CACNA2D2: variants seen among roughly 807,000 people sequenced by gnomAD.
CACNA2D2 encodes the protein calcium voltage-gated channel auxiliary subunit alpha2delta 2.
A neutral mutation model predicts 166.4 loss-of-function variants in CACNA2D2; 48 were observed. The ratio of observed to expected loss-of-function variants is 0.29; its 90% CI spans 0.23 to 0.37. The LOEUF (loss-of-function observed/expected upper bound fraction) is 0.37, where lower values mean the gene tolerates loss of function less well. CACNA2D2 is among the 10% of genes least tolerant of loss of function. The pLI, the probability that CACNA2D2 is intolerant of heterozygous loss-of-function variation, is 1.00. For synonymous variants in CACNA2D2, 561 were observed against 573.7 expected, an observed-to-expected ratio of 0.98 and a Z score of 0.32; for missense variants, 1,122 against 1,433.0, an observed-to-expected ratio of 0.78 and a Z score of 3.50.
intron 2 of CACNA2D2, among the ~76,000 whole-genome samples, chr3:50,468,649 G>A (rs1709937285): frequency 6.6e-6 from 1 of 151,966 alleles, no homozygotes; most frequent in African/African-American, 2.4e-5. Flanking sequence ...AACCCAGGCA[G>A]AGAACCTTCC....
At chr3:50,441,675 G>A (rs917491456) in intron 2 of CACNA2D2, among the ~76,000 whole-genome samples, 5 of 152,238 alleles carry the variant, frequency 3.3e-5, no homozygotes, top group Admixed American at 1.3e-4. Flanking sequence ...TGAAACATAC[G>A]CGAATTTCCA....
chr3:50,364,517 A>C lies in CACNA2D2; in HGVS notation c.*149T>G. ...TCCCGCTTTGGGACTCCCCATCCCA[A>C]GGCGCAGACCAGACTCTCAGGGCCT... On this transcript the variant is annotated 3_prime_UTR_variant, in exon 38 of 38. Coordinates refer to ENST00000424201, the MANE Select transcript of CACNA2D2 (RefSeq NM_006030.4). 2 of 973,902 alleles carry C rather than the reference A, an allele frequency of 2.1e-6. No homozygotes were observed. The highest frequency in any genetic ancestry group is 3.0e-5 in the Admixed American group (1 of 33,340). The allele number at this position is 973,902 out of a possible 1,614,324, so 60.3% of individuals were successfully genotyped here.
chr3:50,431,767 C>T (rs1013937146), intron 3 of CACNA2D2, among the ~76,000 whole-genome samples: 6 of 151,882 alleles, frequency 4.0e-5, no homozygotes, highest in African/African-American at 1.5e-4. Flanking sequence ...GGTGGATTAC[C>T]TGAGGTCAGG....
chr3:50,492,261 C>T (rs553397912), intron 1 of CACNA2D2, among the ~76,000 whole-genome samples: 14 of 152,264 alleles, frequency 9.2e-5, no homozygotes, highest in Non-Finnish European at 1.9e-4. Context: ...CCCCTCTGGC[C>T]ATCCTCTTAG....
At chr3:50,441,034 C>G (rs1407034612) in intron 2 of CACNA2D2, among the ~76,000 whole-genome samples, 1 of 150,224 alleles carries the variant, frequency 6.7e-6, no homozygotes, top group Non-Finnish European at 1.5e-5. Context: ...AGGGACTGCT[C>G]AGTGGCTGCA....
intron 3 of CACNA2D2, among the ~76,000 whole-genome samples, chr3:50,433,346 C>T (rs148481425): frequency 6.6e-6 from 1 of 151,742 alleles, no homozygotes; most frequent in Non-Finnish European, 1.5e-5. Context: ...GACTTTATTC[C>T]GTTTTTTTTG....
At chr3:50,390,564 C>A (rs1025246212) in intron 4 of CACNA2D2, among the ~76,000 whole-genome samples, 1 of 152,166 alleles carries the variant, frequency 6.6e-6, no homozygotes, top group African/African-American at 2.4e-5. Context: ...GACCACTCCC[C>A]TGACATACCC....
chr3:50,384,889 G>A (rs982416506), intron 5 of CACNA2D2, among the ~76,000 whole-genome samples: 24 of 152,350 alleles, frequency 1.6e-4, no homozygotes, highest in African/African-American at 5.0e-4. Flanking sequence ...TCTAGGGTCT[G>A]AGCTGGGGAG....
At chr3:50,391,654 C>T (rs1705898342) in intron 4 of CACNA2D2, among the ~76,000 whole-genome samples, 1 of 152,224 alleles carries the variant, frequency 6.6e-6, no homozygotes, top group South Asian at 2.1e-4. Flanking sequence ...CTCCAGGATC[C>T]CCAACCCCCC....
intron 3 of CACNA2D2, among the ~76,000 whole-genome samples, chr3:50,426,790 C>A (rs1707826416): frequency 6.6e-6 from 1 of 152,034 alleles, no homozygotes; most frequent in Non-Finnish European, 1.5e-5. Flanking sequence ...ATCCACAAGT[C>A]AACCTTTCCC....
chr3:50,469,044 G>C (rs772469198), intron 2 of CACNA2D2, among the ~76,000 whole-genome samples: 1 of 151,928 alleles, frequency 6.6e-6, no homozygotes, highest in Non-Finnish European at 1.5e-5. Flanking sequence ...GGCCAGGCTG[G>C]TCTGGAACTC....
intron 1 of CACNA2D2, among the ~76,000 whole-genome samples, chr3:50,485,238 G>C (rs1698228122): frequency 6.6e-6 from 1 of 152,048 alleles, no homozygotes; most frequent in Admixed American, 6.5e-5. Context: ...TCACCCCCAT[G>C]GAGCTCTCTC....
intron 2 of CACNA2D2, among the ~76,000 whole-genome samples, chr3:50,469,104 C>T (rs1029274087): frequency 6.6e-6 from 1 of 152,152 alleles, no homozygotes; most frequent in African/African-American, 2.4e-5. Context: ...GCTGGGATTA[C>T]AGGCATGAGC....
At position 50,379,838 on chromosome 3, in the gene CACNA2D2, G is replaced by A. The variant is rs1705210474; in HGVS notation, c.894-14C>T. 5 of 1,613,480 alleles carry A rather than the reference G, an allele frequency of 3.1e-6. No homozygotes were observed. Among genetic ancestry groups the A allele is most frequent in the East Asian group, 4.5e-5 (2 of 44,890 alleles). On this transcript the variant is annotated splice_polypyrimidine_tract_variant and intron_variant, in intron 9 of 37. Transcript: ENST00000424201. The surrounding 1 kb of genome is among the most constrained non-coding windows in gnomAD (Gnocchi z 6.5). ...ACACTGCCACTCCTGGAGAGGTCAG[G>A]CAGGGGACGTGGAGGAGCCAGGGGA...
At chr3:50,496,180 C>T (rs1170630172) in intron 1 of CACNA2D2, among the ~76,000 whole-genome samples, 1 of 152,236 alleles carries the variant, frequency 6.6e-6, no homozygotes, top group African/African-American at 2.4e-5. Context: ...ATTCTGGCTG[C>T]AGAGATAAAC....
rs117268912 is a variant in CACNA2D2 at position 50,448,683 on chromosome 3, T to A, written c.289-14254A>T. 9.3e-4 allele frequency among the ~76,000 whole-genome samples: 142 copies of A among 152,242 alleles called. 2 individuals are homozygous for A. The East Asian group carries it at 0.023, about 24-fold the overall frequency. On this transcript the variant is annotated intron_variant, in intron 2 of 37. Transcript: ENST00000424201. ...TCCTGTGCTCAAGTACAGCACACAG[T>A]AGGTCTCAGGGAACATCTGTGTGTG...
chr3:50,481,600 C>T (rs751590831), intron 1 of CACNA2D2, among the ~76,000 whole-genome samples: 3 of 152,208 alleles, frequency 2.0e-5, no homozygotes, highest in Non-Finnish European at 4.4e-5. Context: ...CTGCCAAGTG[C>T]ACGGTGAAGC....
At chr3:50,416,462 G>T (rs1707266900) in intron 3 of CACNA2D2, among the ~76,000 whole-genome samples, 1 of 152,244 alleles carries the variant, frequency 6.6e-6, no homozygotes, top group South Asian at 2.1e-4. Flanking sequence ...AACTGTTATG[G>T]TTGTGAGCTC....
chr3:50,418,578 G>A (rs901406558), intron 3 of CACNA2D2, among the ~76,000 whole-genome samples: 1 of 152,232 alleles, frequency 6.6e-6, no homozygotes, highest in Non-Finnish European at 1.5e-5. Flanking sequence ...GTGAAGCAGG[G>A]CATGTGCAGG....
Sources: gnomAD v4.1 joint callset for allele counts (sites outside exome capture counted in the v4.1 genomes callset) on GRCh38, gnomAD v4.1.1 for gene constraint, Gnocchi (gnomAD v3.1) non-coding constraint, MANE v1.5 for transcripts, NCBI Gene and HGNC (gene_info 2026-07-23, HGNC 2026-07-21) for gene names.